TRAPPC12: variants seen among roughly 807,000 people sequenced by gnomAD.
The protein encoded by TRAPPC12 is trafficking protein particle complex subunit 12.
TRAPPC12 carries 61 observed loss-of-function variants against 69.2 expected under a neutral mutation model. The observed-to-expected ratio is 0.88, with a 90% confidence interval of 0.72 to 1.09. The LOEUF (loss-of-function observed/expected upper bound fraction) is 1.09, where lower values mean the gene tolerates loss of function less well. Ranked by LOEUF, TRAPPC12 falls within the 50% of genes least tolerant of loss-of-function variation. The probability of loss-of-function intolerance (pLI) is 0.00; values close to 1 mark genes in which losing one functional copy is unlikely to be tolerated. For missense variants in TRAPPC12, 1,101 were observed against 1,016.4 expected (o/e 1.08, Z -1.13); for synonymous variants, 469 against 438.9 (o/e 1.07, Z -0.86).
In TRAPPC12 at chr2:3,452,003, A is replaced by G. The variant is rs546136279; in HGVS notation, c.1531-5618A>G. ...ATCTGCAGCTCTGTGGGCTAAAACC[A>G]CAGGGATGTATGACCTTCCTATTTC... is the stretch of plus-strand genomic sequence containing the variant. On this transcript the variant is annotated intron_variant, in intron 6 of 11. Coordinates refer to ENST00000324266, the MANE Select transcript of TRAPPC12 (RefSeq NM_016030.6). Among the ~76,000 whole-genome samples, 4 of 152,306 alleles carry G rather than the reference A, an allele frequency of 2.6e-5. No homozygotes were observed. In the East Asian group the frequency reaches 7.7e-4, roughly 29 times the overall value.
chr2:3,411,049 A>T (rs975078556), intron 3 of TRAPPC12, among the ~76,000 whole-genome samples: 1 of 152,214 alleles, frequency 6.6e-6, no homozygotes, highest in East Asian at 1.9e-4. Context: ...AAAATGAAAT[A>T]AAAAACAAAT....
At chr2:3,438,517 C>T (rs1172822861) in intron 5 of TRAPPC12, among the ~76,000 whole-genome samples, 1 of 128,110 alleles carries the variant, frequency 7.8e-6, no homozygotes, top group Admixed American at 8.1e-5. Context: ...TGGATCAATC[C>T]CCCCAATCCC....
Position 3,461,698 on chromosome 2 carries a change from G to C in TRAPPC12, c.1677+1362G>C, listed in dbSNP as rs995706201. 2.6e-5 allele frequency among the ~76,000 whole-genome samples: 4 copies of C among 152,224 alleles called. No homozygotes were observed. The East Asian group carries it at 7.7e-4, about 29-fold the overall frequency. On this transcript the variant is annotated intron_variant, in intron 8 of 11. Coordinates refer to ENST00000324266, the MANE Select transcript of TRAPPC12 (RefSeq NM_016030.6). ...CCACTGAGGTCAGGTGGCCCGCACAGGTGCTTTGTTCTGGTCCTCACCCTC... is the reference window on the plus strand; with the variant it reads ...CCACTGAGGTCAGGTGGCCCGCACACGTGCTTTGTTCTGGTCCTCACCCTC...
chr2:3,423,531 G>A (rs1236847550), intron 4 of TRAPPC12, among the ~76,000 whole-genome samples: 2 of 60,374 alleles, frequency 3.3e-5, no homozygotes, highest in East Asian at 3.9e-4. Context: ...CCCGGCACCC[G>A]CCATCTACTC....
At chr2:3,448,695 TTACGCGAGGGTAGGGCGTGG>T (rs1664672488) in intron 6 of TRAPPC12, among the ~76,000 whole-genome samples, 1 of 146,968 alleles carries the variant, frequency 6.8e-6, no homozygotes, top group East Asian at 2.0e-4. Flanking sequence ...GAGCAGCCGG[TTACGCGAGGGTAGGGCGTGG>T]AGAGCAGCCG....
chr2:3,479,086 C>G (rs1666429254), intron 11 of TRAPPC12, 133 bp from the exon 12 acceptor site: 7 of 1,513,354 alleles, frequency 4.6e-6, no homozygotes, highest in Non-Finnish European at 6.2e-6. Flanking sequence ...AGTGACCCAA[C>G]AGGGCCACCT....
intron 8 of TRAPPC12, chr2:3,463,137 T>C: frequency 3.1e-6 from 1 of 325,202 alleles, no homozygotes; most frequent in Non-Finnish European, 6.3e-6. Context: ...TAAGCTCTCT[T>C]GAGGAGCTTC....
intron 7 of TRAPPC12, chr2:3,458,592 G>A: frequency 3.6e-6 from 1 of 278,444 alleles, no homozygotes; most frequent in Non-Finnish European, 5.4e-6. Flanking sequence ...GTGCATGTGT[G>A]TGCACTTGTG....
intron 5 of TRAPPC12, among the ~76,000 whole-genome samples, chr2:3,442,964 C>T (rs1239291364): frequency 2.0e-5 from 3 of 152,178 alleles, no homozygotes; most frequent in Admixed American, 6.5e-5. Context: ...AATCAGTGCA[C>T]GCTATTTGAT....
Position 3,391,038 on chromosome 2 carries a change from G to A in TRAPPC12, c.1047+2368G>A, listed in dbSNP as rs921085855. On this transcript the variant is annotated intron_variant, in intron 2 of 11. Transcript: ENST00000324266. ...AATTTGAAAATCAGGACAGAAGATAGCATGTAGCATGCATAGTATGATAAA... is the reference window on the plus strand; with the variant it reads ...AATTTGAAAATCAGGACAGAAGATAACATGTAGCATGCATAGTATGATAAA... Among the ~76,000 whole-genome samples, 4 of 152,178 alleles carry A rather than the reference G, an allele frequency of 2.6e-5. No individual in the cohort carries two copies. In the South Asian group the frequency reaches 6.2e-4, roughly 24 times the overall value.
chr2:3,443,048 T>TA (rs1664306552), intron 5 of TRAPPC12, among the ~76,000 whole-genome samples: 1 of 152,208 alleles, frequency 6.6e-6, no homozygotes, highest in African/African-American at 2.4e-5. Context: ...GAGAACACAA[T>TA]ATTAACAAAA....
rs1041020980 is a variant in TRAPPC12 at position 3,409,327 on chromosome 2, T to C, written c.1164+7434T>C. Among the ~76,000 whole-genome samples, 8 of 152,342 alleles carry C rather than the reference T, an allele frequency of 5.3e-5. No individual in the cohort carries two copies. The East Asian group carries it at 1.5e-3, about 29-fold the overall frequency. Reference sequence around the variant, plus strand: ...TTTGAAATACAAAGTAAACTGGAACTATAGACAAATATTTTATATTCTCTT... The same window carrying C: ...TTTGAAATACAAAGTAAACTGGAACCATAGACAAATATTTTATATTCTCTT... On this transcript the variant is annotated intron_variant, in intron 3 of 11. Coordinates refer to ENST00000324266, the MANE Select transcript of TRAPPC12 (RefSeq NM_016030.6).
chr2:3,398,286 G>C (rs1661235629), intron 2 of TRAPPC12, among the ~76,000 whole-genome samples: 1 of 152,166 alleles, frequency 6.6e-6, no homozygotes, highest in Non-Finnish European at 1.5e-5. Flanking sequence ...CCGCCAGACA[G>C]TTTTCTAAAA....
intron 9 of TRAPPC12, 87 bp downstream of exon 9, chr2:3,465,782 AAT>A: frequency 2.2e-6 from 2 of 921,690 alleles, no homozygotes; most frequent in South Asian, 2.7e-5. Flanking sequence ...TAATCATTTT[AAT>A]ATAAGAAAGA....
At chr2:3,445,672 C>G (rs1664469513) in intron 6 of TRAPPC12, among the ~76,000 whole-genome samples, 1 of 152,244 alleles carries the variant, frequency 6.6e-6, no homozygotes, top group Admixed American at 6.5e-5. Flanking sequence ...GGTTAGGTAA[C>G]TTAGGATCAC....
chr2:3,427,999 A>T (rs1163719491), intron 5 of TRAPPC12, among the ~76,000 whole-genome samples: 2 of 151,932 alleles, frequency 1.3e-5, no homozygotes, highest in Non-Finnish European at 2.9e-5. Context: ...TGTGCTGAAG[A>T]CTCCGTGGCA....
At chr2:3,442,324 G>A (rs1664264877) in intron 5 of TRAPPC12, among the ~76,000 whole-genome samples, 1 of 152,192 alleles carries the variant, frequency 6.6e-6, no homozygotes, top group African/African-American at 2.4e-5. Context: ...AAACCACACA[G>A]GAGTGATTCT....
intron 9 of TRAPPC12, among the ~76,000 whole-genome samples, chr2:3,466,631 C>T (rs1177744425): frequency 1.3e-5 from 2 of 152,210 alleles, no homozygotes; most frequent in African/African-American, 2.4e-5. Flanking sequence ...CGTAGGCACA[C>T]GTGCACACAC....
chr2:3,419,103 G>A (rs1421021551), intron 3 of TRAPPC12, among the ~76,000 whole-genome samples: 10 of 152,032 alleles, frequency 6.6e-5, no homozygotes, highest in Admixed American at 2.6e-4. Context: ...TAGGGTCTCC[G>A]CCCCCTCCCC....
Sources: allele counts gnomAD v4.1 joint callset (sites outside exome capture counted in the v4.1 genomes callset), GRCh38; gene constraint gnomAD v4.1.1; transcripts MANE v1.5; gene names NCBI Gene and HGNC (gene_info 2026-07-23, HGNC 2026-07-21).